Variants in PRKCE observed in about 807,000 individuals in gnomAD.
The protein encoded by PRKCE is protein kinase C epsilon type.
In PRKCE, 16 loss-of-function variants were observed where a neutral mutation model predicts 85.4. The observed-to-expected ratio is 0.19, with a 90% CI of 0.13 to 0.28. The LOEUF (loss-of-function observed/expected upper bound fraction) is 0.28, where lower values mean the gene tolerates loss of function less well. Ranked by LOEUF, PRKCE falls within the 10% of genes least tolerant of loss-of-function variation. The probability of loss-of-function intolerance (pLI) is 1.00; values close to 1 mark genes in which losing one functional copy is unlikely to be tolerated. For synonymous variants in PRKCE, 388 were observed against 371.5 expected, an observed-to-expected ratio of 1.04 and a Z score of -0.51; for missense variants, 573 against 975.2, an observed-to-expected ratio of 0.59 and a Z score of 5.49.
At chr2:45,994,508 T>A (rs907522499) in intron 6 of PRKCE, among the ~76,000 whole-genome samples, 1 of 152,242 alleles carries the variant, frequency 6.6e-6, no homozygotes. Flanking sequence ...AGTTTTACCT[T>A]TTCCAGAATG....
rs1675311875 is a variant in PRKCE at position 46,139,641 on chromosome 2, T to C, written c.1593-5452T>C. ...ACTTTAGGCATTATGTCCTCATTCA[T>C]GCAATATACAGAATATATAGAGGAA... On this transcript the variant is annotated intron_variant, in intron 11 of 14. Coordinates refer to ENST00000306156, the MANE Select transcript of PRKCE (RefSeq NM_005400.3). The surrounding 1 kb of genome is among the most constrained non-coding windows in gnomAD (Gnocchi z 5.2). Among the ~76,000 whole-genome samples, 1 of 151,900 alleles carries C rather than the reference T, an allele frequency of 6.6e-6. No individual in the cohort carries two copies. The highest frequency in any genetic ancestry group is 2.1e-4 in the South Asian group (1 of 4,814).
chr2:45,744,479 TTC>T lies in PRKCE; in HGVS notation c.348+92033_348+92034del, dbSNP rs767343488. On this transcript the variant is annotated intron_variant, in intron 1 of 14. Coordinates refer to ENST00000306156, the MANE Select transcript of PRKCE (RefSeq NM_005400.3). ...TTTCTTTCTTTCTTTCTTTCTTTCT[TTC>T]TTTCTTTTTCTTTCTTTCTTTTCTT... Among the ~76,000 whole-genome samples the T allele has an allele frequency of 1.2e-3, 61 of 50,618 alleles. 1 individual carries two copies. The highest frequency in any genetic ancestry group is 8.3e-3 in the Middle Eastern group (1 of 120). 33.2% of individuals were successfully genotyped at this position (50,618 alleles called of 152,430 possible).
chr2:45,683,257 G>A (rs1677045787), intron 1 of PRKCE, among the ~76,000 whole-genome samples: 1 of 152,194 alleles, frequency 6.6e-6, no homozygotes, highest in Non-Finnish European at 1.5e-5. Flanking sequence ...GTAATTCAGT[G>A]CCAGGGCAGG....
intron 2 of PRKCE, among the ~76,000 whole-genome samples, chr2:45,892,220 G>A (rs1695774038): frequency 1.3e-5 from 2 of 152,188 alleles, no homozygotes; most frequent in African/African-American, 4.8e-5. Flanking sequence ...AGAGAGAGGT[G>A]ACAGCTTTTT....
chr2:45,702,014 C>A (rs1256345301), intron 1 of PRKCE, among the ~76,000 whole-genome samples: 1 of 151,894 alleles, frequency 6.6e-6, no homozygotes, highest in Non-Finnish European at 1.5e-5. Flanking sequence ...CATGGTGAAA[C>A]CTCTTCTCTA....
rs1703867299 is a variant in PRKCE at position 45,992,327 on chromosome 2, C to T, written c.823+7647C>T. Among the ~76,000 whole-genome samples the T allele has an allele frequency of 2.0e-5, 3 of 152,152 alleles. No homozygotes were observed. In the South Asian group the frequency reaches 6.2e-4, roughly 31 times the overall value. ...GGAATGCTGGGTAGCAGACAAGCGG[C>T]CGATCGTGGTCCCCGGAAAGCTCTG... On this transcript the variant is annotated intron_variant, in intron 6 of 14. Coordinates refer to ENST00000306156, the MANE Select transcript of PRKCE (RefSeq NM_005400.3).
intron 11 of PRKCE, among the ~76,000 whole-genome samples, chr2:46,109,650 A>C (rs1220652488): frequency 6.6e-6 from 1 of 152,132 alleles, no homozygotes; most frequent in Non-Finnish European, 1.5e-5. Context: ...TATGTGAATA[A>C]AGACAATTTT....
chr2:45,928,753 C>A (rs1010869231), intron 2 of PRKCE, among the ~76,000 whole-genome samples: 1 of 152,104 alleles, frequency 6.6e-6, no homozygotes, highest in Non-Finnish European at 1.5e-5. Flanking sequence ...CTTTTTCCTG[C>A]CCCCCACTAA....
At chr2:45,668,464 C>T (rs1262176760) in intron 1 of PRKCE, among the ~76,000 whole-genome samples, 1 of 152,034 alleles carries the variant, frequency 6.6e-6, no homozygotes, top group East Asian at 1.9e-4. Flanking sequence ...TTCTTTATGT[C>T]CGACAGTTAC....
At chr2:45,816,892 AC>A (rs994601426) in intron 1 of PRKCE, among the ~76,000 whole-genome samples, 2 of 151,852 alleles carry the variant, frequency 1.3e-5, no homozygotes, top group African/African-American at 4.8e-5. Flanking sequence ...TTTTAAAGAG[AC>A]CCCCTGCTCG....
chr2:45,925,169 C>T (rs1698517924), intron 2 of PRKCE, among the ~76,000 whole-genome samples: 1 of 152,146 alleles, frequency 6.6e-6, no homozygotes, highest in Non-Finnish European at 1.5e-5. Context: ...TGAGGATGTC[C>T]AGTTTCTCAT....
intron 8 of PRKCE, among the ~76,000 whole-genome samples, chr2:46,005,120 G>T (rs557963002): frequency 5.3e-5 from 8 of 152,186 alleles, no homozygotes; most frequent in Non-Finnish European, 8.8e-5. Context: ...GCCTTTGGGT[G>T]GGTGAGGATA....
chr2:46,122,589 C>T (rs1217227889), intron 11 of PRKCE, among the ~76,000 whole-genome samples: 2 of 152,192 alleles, frequency 1.3e-5, no homozygotes, highest in Non-Finnish European at 1.5e-5. Flanking sequence ...CCTCACTGGG[C>T]GAGGTTACAT....
chr2:45,844,175 C>A (rs995712806), intron 2 of PRKCE, among the ~76,000 whole-genome samples: 1 of 152,162 alleles, frequency 6.6e-6, no homozygotes, highest in Admixed American at 6.5e-5. Context: ...ATTTATCACC[C>A]AATCTCAACA....
chr2:45,726,130 A>G (rs751185221), intron 1 of PRKCE, among the ~76,000 whole-genome samples: 8 of 152,226 alleles, frequency 5.3e-5, no homozygotes, highest in Non-Finnish European at 8.8e-5. Context: ...GTTTCTTGAG[A>G]TAGAATCTAT....
chr2:46,153,912 G>A (rs1427811064), intron 13 of PRKCE, among the ~76,000 whole-genome samples: 4 of 150,326 alleles, frequency 2.7e-5, no homozygotes, highest in Admixed American at 1.3e-4. Context: ...TCAGCCTCCC[G>A]AGTAGCTGGG....
At chr2:46,059,792 C>T (rs1200791361) in intron 10 of PRKCE, among the ~76,000 whole-genome samples, 1 of 152,150 alleles carries the variant, frequency 6.6e-6, no homozygotes, top group Non-Finnish European at 1.5e-5. Flanking sequence ...CCAGCCTGAG[C>T]AATATAGTGA....
chr2:46,102,929 TGC>T (rs1363950032), intron 11 of PRKCE, among the ~76,000 whole-genome samples: 2 of 152,228 alleles, frequency 1.3e-5, no homozygotes, highest in Non-Finnish European at 2.9e-5. Context: ...TCCTTTTCCA[TGC>T]CCTTTTCCAT....
chr2:46,124,390 C>T (rs182209470), intron 11 of PRKCE, among the ~76,000 whole-genome samples: 3 of 152,230 alleles, frequency 2.0e-5, no homozygotes, highest in Admixed American at 1.3e-4. Flanking sequence ...TAATTTTAAT[C>T]GTGTTGCTGC....
Sources: allele counts gnomAD v4.1 joint callset (sites outside exome capture counted in the v4.1 genomes callset), GRCh38; gene constraint gnomAD v4.1.1; non-coding constraint Gnocchi (gnomAD v3.1); transcripts MANE v1.5; gene names NCBI Gene and HGNC (gene_info 2026-07-23, HGNC 2026-07-21).